CMIP: variants seen among roughly 807,000 people sequenced by gnomAD.
CMIP encodes the protein c-Maf inducing protein, also known as C-Maf-inducing protein.
Under a neutral mutation model 97.3 loss-of-function variants are expected in CMIP, and 13 were observed. The observed-to-expected ratio is 0.13, with a 90% CI of 0.09 to 0.21. The LOEUF is 0.21. CMIP is among the 10% of genes least tolerant of loss of function. The probability of loss-of-function intolerance (pLI) is 1.00; values close to 1 mark genes in which losing one functional copy is unlikely to be tolerated. For synonymous variants in CMIP, 538 were observed against 436.3 expected (o/e 1.23, Z -2.91); for missense variants, 847 against 1,024.9 (o/e 0.83, Z 2.37).
chr16:81,568,198 G>C (rs2091018911), intron 1 of CMIP, among the ~76,000 whole-genome samples: 1 of 152,110 alleles, frequency 6.6e-6, no homozygotes, highest in African/African-American at 2.4e-5. Context: ...CCTTCGGTTT[G>C]TCTTTCTGCC....
At chr16:81,556,104 C>G (rs1364204373) in intron 1 of CMIP, among the ~76,000 whole-genome samples, 1 of 152,166 alleles carries the variant, frequency 6.6e-6, no homozygotes, top group Non-Finnish European at 1.5e-5. Flanking sequence ...TTTGTTCTCT[C>G]AGAGTTTCTG....
intron 7 of CMIP, chr16:81,666,875 A>C (rs2092609140): frequency 6.6e-6 from 1 of 152,038 alleles, no homozygotes; most frequent in Admixed American, 6.5e-5. Context: ...TGGGCGAGAG[A>C]GAGCTTTGAC....
chr16:81,491,040 A>G (rs551531334), intron 1 of CMIP, among the ~76,000 whole-genome samples: 117 of 151,784 alleles, frequency 7.7e-4, no homozygotes, highest in Non-Finnish European at 1.4e-3. Context: ...TTGACTGCAT[A>G]GCCTTGGCTC....
At chr16:81,502,137 T>G (rs1008907283) in intron 1 of CMIP, among the ~76,000 whole-genome samples, 2 of 151,884 alleles carry the variant, frequency 1.3e-5, no homozygotes, top group African/African-American at 4.8e-5. Flanking sequence ...CCCAGAGAGG[T>G]TAAGTAACGT....
At chr16:81,603,570 T>C in intron 1 of CMIP, 1 of 415,148 alleles carries the variant, frequency 2.4e-6, no homozygotes, top group Non-Finnish European at 4.8e-6. Flanking sequence ...GTCCACATTT[T>C]ATTAGGTTTC....
At chr16:81,683,097 G>A (rs1905036400) in intron 10 of CMIP, among the ~76,000 whole-genome samples, 1 of 152,250 alleles carries the variant, frequency 6.6e-6, no homozygotes, top group South Asian at 2.1e-4. Flanking sequence ...CCTACGCCAG[G>A]CCAGACTCTA....
intron 6 of CMIP, among the ~76,000 whole-genome samples, chr16:81,663,338 G>C (rs531643189): frequency 2.0e-5 from 3 of 152,184 alleles, no homozygotes; most frequent in Non-Finnish European, 2.9e-5. Context: ...AAGAGAAAGG[G>C]GGAGCTTTAA....
chr16:81,586,614 A>G (rs1056470939), intron 1 of CMIP, among the ~76,000 whole-genome samples: 2 of 150,460 alleles, frequency 1.3e-5, no homozygotes, highest in Non-Finnish European at 1.5e-5. Context: ...TTTATGACTC[A>G]CCTCCTTCAA....
chr16:81,670,609 T>G (rs529232714), intron 8 of CMIP, among the ~76,000 whole-genome samples: 1 of 88,652 alleles, frequency 1.1e-5, no homozygotes, highest in South Asian at 4.2e-4. Flanking sequence ...GTTGGTGTTT[T>G]GGGTTTTTTT....
At chr16:81,609,407 G>A (rs1229664689) in intron 2 of CMIP, among the ~76,000 whole-genome samples, 1 of 152,186 alleles carries the variant, frequency 6.6e-6, no homozygotes, top group African/African-American at 2.4e-5. Flanking sequence ...CAATCACAGG[G>A]TTCAGTGGCC....
At chr16:81,523,885 C>T (rs4889330) in intron 1 of CMIP, among the ~76,000 whole-genome samples, 9,855 of 152,318 alleles carry the variant, frequency 0.065, 475 homozygotes, top group East Asian at 0.26. Flanking sequence ...CTCCAAACGT[C>T]AAGGCGTCTT....
intron 1 of CMIP, among the ~76,000 whole-genome samples, chr16:81,504,256 G>A (rs980422583): frequency 2.3e-4 from 34 of 149,542 alleles, no homozygotes; most frequent in African/African-American, 7.1e-4. Context: ...AACCCGGGAG[G>A]CAGAGGTTGC....
chr16:81,635,084 C>G (rs773112106), intron 3 of CMIP, among the ~76,000 whole-genome samples: 7 of 152,174 alleles, frequency 4.6e-5, no homozygotes, highest in Non-Finnish European at 1.0e-4. Context: ...AGAGCAGGCT[C>G]TGGTACAGTA....
intron 3 of CMIP, among the ~76,000 whole-genome samples, chr16:81,626,577 G>A (rs1366604897): frequency 1.4e-5 from 2 of 146,834 alleles, no homozygotes; most frequent in Non-Finnish European, 3.0e-5. Flanking sequence ...GGTGGCTTAT[G>A]AGTGTGTGAG....
chr16:81,705,582 C>G lies in CMIP; in HGVS notation c.2175C>G (p.Asp725Glu). The change falls in exon 19 of 21, where the codon GAC becomes GAG. Residue 725 changes from aspartate to glutamate, a missense_variant. Coordinates refer to ENST00000537098, the MANE Select transcript of CMIP (RefSeq NM_198390.3). ...VLNLCETPVT[D>E]AGLLALSSMK... ...ACCTGTGCGAGACCCCGGTCACAGA[C>G]GCTGGCCTGCTGGCCCTGAGCTGTG... 1 of 1,605,508 alleles carries G rather than the reference C, an allele frequency of 6.2e-7. No individual in the cohort carries two copies. The highest frequency in any genetic ancestry group is 8.5e-7 in the Non-Finnish European group (1 of 1,177,268).
chr16:81,540,943 G>A (rs1366301874), intron 1 of CMIP, among the ~76,000 whole-genome samples: 2 of 150,794 alleles, frequency 1.3e-5, no homozygotes, highest in East Asian at 1.9e-4. Context: ...GCTTCCCAAA[G>A]TGCTGGGATT....
chr16:81,615,313 G>A (rs1199927802), intron 2 of CMIP, among the ~76,000 whole-genome samples: 1 of 145,866 alleles, frequency 6.9e-6, no homozygotes, highest in Non-Finnish European at 1.5e-5. Flanking sequence ...ACTGGTGTGT[G>A]TGTATGGTGT....
intron 3 of CMIP, among the ~76,000 whole-genome samples, chr16:81,646,808 A>G (rs2092369449): frequency 6.6e-6 from 1 of 152,176 alleles, no homozygotes; most frequent in Admixed American, 6.5e-5. Flanking sequence ...TGGGTAATTC[A>G]ATCCTTTTTA....
At chr16:81,664,738 C>T (rs888293925) in intron 7 of CMIP, 37 of 395,058 alleles carry the variant, frequency 9.4e-5, no homozygotes, top group African/African-American at 7.2e-4. Context: ...TGGAAGGGGG[C>T]AGGAGTAGCC....
Sources: gnomAD v4.1 joint callset for allele counts (sites outside exome capture counted in the v4.1 genomes callset) on GRCh38, gnomAD v4.1.1 for gene constraint, MANE v1.5 for transcripts, NCBI Gene and HGNC (gene_info 2026-07-23, HGNC 2026-07-21) for gene names.